Variants in TMPRSS9 observed in about 807,000 individuals in gnomAD.
The protein encoded by TMPRSS9 is transmembrane serine protease 9.
A neutral mutation model predicts 111.4 loss-of-function variants in TMPRSS9; 113 were observed. That is an observed-to-expected ratio of 1.01 (90% CI 0.87 to 1.19). TMPRSS9 has a LOEUF of 1.19. Among genes scored for constraint, TMPRSS9 ranks in the 50% most tolerant of loss-of-function variants. The pLI is 0.00. For synonymous variants in TMPRSS9, 805 were observed against 659.1 expected, an observed-to-expected ratio of 1.22 and a Z score of -3.39; for missense variants, 1,803 against 1,513.1, an observed-to-expected ratio of 1.19 and a Z score of -3.18.
intron 1 of TMPRSS9, among the ~76,000 whole-genome samples, chr19:2,395,675 A>T (rs1164233721): frequency 6.6e-6 from 1 of 151,756 alleles, no homozygotes; most frequent in Non-Finnish European, 1.5e-5. Flanking sequence ...AGATCATGCC[A>T]TTGCACTCCA....
chr19:2,387,572 A>C (rs79469870), upstream of TMPRSS9, among the ~76,000 whole-genome samples: 8,419 of 151,252 alleles, frequency 0.056, 775 homozygotes, highest in African/African-American at 0.19. Flanking sequence ...GGAAGGGAGA[A>C]AGGGAAGGGA....
At chr19:2,361,604 G>C (rs1200131752) in intron 1 of TMPRSS9, among the ~76,000 whole-genome samples, 1 of 152,150 alleles carries the variant, frequency 6.6e-6, no homozygotes, top group Non-Finnish European at 1.5e-5. Context: ...GGGGACCGTG[G>C]CGTTATCCCC....
At chr19:2,414,107 T>C (rs1599307574) in intron 10 of TMPRSS9, 89 bp downstream of exon 11, 3 of 1,351,792 alleles carry the variant, frequency 2.2e-6, no homozygotes, top group South Asian at 3.0e-5. Flanking sequence ...TTCATAATTT[T>C]GGATCTTCCT....
exon 4 of TMPRSS9, chr19:2,399,142 C>T (rs1244111603): frequency 1.2e-6 from 2 of 1,612,960 alleles, no homozygotes; most frequent in Admixed American, 1.7e-5. Flanking sequence ...GCTGCGGGAG[C>T]ACGGCATCTC....
At chr19:2,391,909 T>G (rs1970606357) in intron 1 of TMPRSS9, among the ~76,000 whole-genome samples, 1 of 151,966 alleles carries the variant, frequency 6.6e-6, no homozygotes, top group African/African-American at 2.4e-5. Flanking sequence ...GCCGAGCTAA[T>G]TTTTGTATTT....
chr19:2,426,101 T>A, exon 18 of TMPRSS9: 2 of 1,537,698 alleles, frequency 1.3e-6, no homozygotes, highest in Middle Eastern at 1.7e-4. Context: ...ACCACGTGAC[T>A]GCCCAGGCCG....
upstream of TMPRSS9, among the ~76,000 whole-genome samples, chr19:2,387,096 C>A (rs149869295): frequency 5.7e-3 from 874 of 152,226 alleles, 7 homozygotes; most frequent in African/African-American, 0.02. Context: ...GTGGCTCACG[C>A]CTGTAATCCC....
At chr19:2,377,461 T>TCGCCCTTCCC (rs1970346024) in intron 1 of TMPRSS9, among the ~76,000 whole-genome samples, 2 of 58,820 alleles carry the variant, frequency 3.4e-5, no homozygotes, top group African/African-American at 9.9e-5. Context: ...TCCCCTCCCC[T>TCGCCCTTCCC]CTCCCCTCTC....
intron 12 of TMPRSS9, among the ~76,000 whole-genome samples, chr19:2,417,144 T>G (rs1460623560): frequency 6.6e-6 from 1 of 152,016 alleles, no homozygotes; most frequent in Non-Finnish European, 1.5e-5. Context: ...AAGCTGAAAA[T>G]ATTTAATTCT....
At chr19:2,367,966 T>C (rs1053471282) in intron 1 of TMPRSS9, among the ~76,000 whole-genome samples, 1 of 151,050 alleles carries the variant, frequency 6.6e-6, no homozygotes, top group East Asian at 2.0e-4. Flanking sequence ...CTGCCTCAGC[T>C]TCCCAAAATG....
chr19:2,421,341 T>C (rs1482430778), intron 13 of TMPRSS9, among the ~76,000 whole-genome samples: 1 of 151,268 alleles, frequency 6.6e-6, no homozygotes, highest in African/African-American at 2.4e-5. Flanking sequence ...CAGGCTGGAG[T>C]GCAGTGGTGC....
chr19:2,399,787 G>C (rs967315993), intron 4 of TMPRSS9, among the ~76,000 whole-genome samples: 7 of 151,950 alleles, frequency 4.6e-5, no homozygotes, highest in African/African-American at 1.4e-4. Context: ...ATGAAGTCTT[G>C]GCTCACTGCA....
chr19:2,414,110 A>G, intron 10 of TMPRSS9, 92 bp downstream of exon 11: 1 of 1,345,410 alleles, frequency 7.4e-7, no homozygotes, highest in South Asian at 1.5e-5. Flanking sequence ...ATAATTTTGG[A>G]TCTTCCTGTT....
At chr19:2,389,596 G>A (rs1331003754), upstream of TMPRSS9, among the ~76,000 whole-genome samples, 2 of 152,018 alleles carry the variant, frequency 1.3e-5, no homozygotes, top group East Asian at 1.9e-4. Flanking sequence ...TGGAATTCCC[G>A]ACCTCAAATC....
upstream of TMPRSS9, among the ~76,000 whole-genome samples, chr19:2,387,974 G>A (rs1446275831): frequency 6.6e-6 from 1 of 152,184 alleles, no homozygotes; most frequent in African/African-American, 2.4e-5. Context: ...AGCCGTAGCT[G>A]CACAGATGGT....
chr19:2,367,592 C>T (rs1205378468), intron 1 of TMPRSS9, among the ~76,000 whole-genome samples: 1 of 143,416 alleles, frequency 7.0e-6, no homozygotes, highest in East Asian at 2.1e-4. Flanking sequence ...GAGAGGGAGT[C>T]TTGCTCCGTC....
At chr19:2,398,940 A>G in intron 3 of TMPRSS9, 78 bp downstream of exon 4, 1 of 1,539,278 alleles carries the variant, frequency 6.5e-7, no homozygotes, top group Non-Finnish European at 8.7e-7. Flanking sequence ...AAAAGTTTGG[A>G]AGATTCTAGA....
intron 10 of TMPRSS9, 193 bp downstream of exon 11, chr19:2,414,211 C>A: frequency 1.8e-6 from 1 of 565,964 alleles, no homozygotes; most frequent in South Asian, 3.3e-5. Context: ...TTGCCCATGT[C>A]TTGTTAACTA....
rs368005580 is a variant in TMPRSS9, at chr19:2,408,645, C to T, written c.1117+15C>T. ...GGAGGACTTCCGTAAGCATCTTCCT[C>T]GGCCTGCAAGTGAGCTCAGGCAGGC... On this transcript the variant is annotated intron_variant, in intron 8 of 17. Transcript: ENST00000648592. 6.9e-5 allele frequency: 110 copies of T among 1,603,260 alleles called. 2 individuals carry two copies. The highest frequency in any genetic ancestry group is 5.6e-4 in the East Asian group (25 of 44,650).
Sources: allele counts gnomAD v4.1 joint callset (sites outside exome capture counted in the v4.1 genomes callset), GRCh38; gene constraint gnomAD v4.1.1; transcripts MANE v1.5; gene names NCBI Gene and HGNC (gene_info 2026-07-23, HGNC 2026-07-21).